The following LGR6 variants were observed in gnomAD, a reference collection of about 807,000 sequenced individuals.
The protein encoded by LGR6 is leucine-rich repeat-containing G protein-coupled receptor 6.
In LGR6, 45 loss-of-function variants were observed where a neutral mutation model predicts 69.4. That is an observed-to-expected ratio of 0.65 (90% CI 0.51 to 0.83). The LOEUF is 0.83. Ranked by LOEUF, LGR6 falls within the 40% of genes least tolerant of loss-of-function variation. The pLI is 0.00. For synonymous variants in LGR6, 538 were observed against 555.0 expected, an observed-to-expected ratio of 0.97 and a Z score of 0.43; for missense variants, 1,108 against 1,246.7, an observed-to-expected ratio of 0.89 and a Z score of 1.68.
chr1:202,306,403 T>A, intron 12 of LGR6, among the ~76,000 whole-genome samples: 1 of 152,196 alleles, frequency 6.6e-6, no homozygotes, highest in East Asian at 1.9e-4. Flanking sequence ...TATGAGGGTC[T>A]CCTGTTTGTC....
chr1:202,306,951 C>T lies in LGR6; in HGVS notation c.1208+12C>T. On this transcript the variant is annotated intron_variant, in intron 13 of 17. Coordinates refer to ENST00000367278, the MANE Select transcript of LGR6 (RefSeq NM_001017403.2). ...TCCCTGCAAGCCCTGTGAGTACCCA[C>T]ATCCAGGGGTGGGCCATGGAGGAGC... 1 of 1,611,084 alleles carries T rather than the reference C, an allele frequency of 6.2e-7. No homozygotes were observed.
At chr1:202,307,081 G>T in intron 13 of LGR6, 142 bp downstream of exon 13, 1 of 762,618 alleles carries the variant, frequency 1.3e-6, no homozygotes, top group Middle Eastern at 2.6e-4. Context: ...CCCACCCCCA[G>T]CACACACACA....
chr1:202,284,271 G>T (rs1032537990), intron 6 of LGR6, among the ~76,000 whole-genome samples: 1 of 152,170 alleles, frequency 6.6e-6, no homozygotes, highest in Non-Finnish European at 1.5e-5. Flanking sequence ...AAGCAGACAG[G>T]TCATGCTCCA....
intron 11 of LGR6, among the ~76,000 whole-genome samples, chr1:202,305,276 C>G (rs1236333619): frequency 1.3e-5 from 2 of 152,140 alleles, no homozygotes; most frequent in Admixed American, 6.5e-5. Context: ...GCCAGATGAT[C>G]CCTAAGGGCC....
chr1:202,231,241 C>T (rs2147976881), intron 3 of LGR6, among the ~76,000 whole-genome samples: 1 of 152,198 alleles, frequency 6.6e-6, no homozygotes, highest in Non-Finnish European at 1.5e-5. Context: ...GCTGTGTTTA[C>T]TCTGTGCCTG....
chr1:202,205,969 A>ACACACAC (rs1553238579), intron 1 of LGR6, among the ~76,000 whole-genome samples: 4 of 149,004 alleles, frequency 2.7e-5, no homozygotes, highest in South Asian at 4.2e-4. Context: ...ACAGACACAC[A>ACACACAC]ACACACACAC....
chr1:202,206,950 C>A (rs1659267097), intron 1 of LGR6, among the ~76,000 whole-genome samples: 1 of 151,242 alleles, frequency 6.6e-6, no homozygotes, highest in Admixed American at 6.6e-5. Flanking sequence ...CAGAGTCTCG[C>A]TCTGTCACCC....
intron 4 of LGR6, among the ~76,000 whole-genome samples, chr1:202,265,864 G>A (rs988938808): frequency 5.3e-5 from 8 of 152,144 alleles, no homozygotes; most frequent in South Asian, 4.2e-4. Flanking sequence ...GACATAGCCC[G>A]CGTCTTCAGG....
rs1025200608 is a variant in LGR6, at chr1:202,193,965, G to A, written c.-25G>A. ...CCGTGCGTCCGCGCCCGGCCGCCAG[G>A]TGCCCCAGTAGCCCGACCGCCGAGA... On this transcript the variant is annotated 5_prime_UTR_variant, in exon 1 of 18. It adds an upstream start codon to the 5' untranslated region. Coordinates refer to ENST00000367278, the MANE Select transcript of LGR6 (RefSeq NM_001017403.2). The A allele has an allele frequency of 1.5e-6, 2 of 1,309,332 alleles. No individual in the cohort carries two copies. Among genetic ancestry groups the A allele is most frequent in the Non-Finnish European group, 1.9e-6 (2 of 1,028,500 alleles). The allele number at this position is 1,309,332 out of a possible 1,614,324, so 81.1% of individuals were successfully genotyped here.
intron 4 of LGR6, among the ~76,000 whole-genome samples, chr1:202,250,269 A>G (rs1571894593): frequency 6.6e-6 from 1 of 151,790 alleles, no homozygotes; most frequent in South Asian, 2.1e-4. Flanking sequence ...TCTGTGCTGC[A>G]CTCCCAGAAC....
chr1:202,255,579 A>T (rs1663700272), intron 4 of LGR6, among the ~76,000 whole-genome samples: 1 of 152,190 alleles, frequency 6.6e-6, no homozygotes, highest in Non-Finnish European at 1.5e-5. Flanking sequence ...GGAGTTAATT[A>T]TACACTGACG....
chr1:202,218,090 TAAGATCAATCTGGTGGGTGGA>T (rs549730780), intron 1 of LGR6, among the ~76,000 whole-genome samples: 1 of 152,322 alleles, frequency 6.6e-6, no homozygotes, highest in African/African-American at 2.4e-5. Context: ...TGCTAGAAAC[TAAGATCAATCTGGTGGGTGGA>T]AAGAGCATCC....
chr1:202,306,317 G>A (rs912143428), intron 12 of LGR6, among the ~76,000 whole-genome samples: 1 of 152,176 alleles, frequency 6.6e-6, no homozygotes, highest in Non-Finnish European at 1.5e-5. Context: ...AGCCAGCATG[G>A]CCTCTTGAGC....
In LGR6 at chr1:202,209,423, C is replaced by A. The variant is rs189843253; in HGVS notation, c.212+15222C>A. 3.3e-5 allele frequency among the ~76,000 whole-genome samples: 5 copies of A among 152,320 alleles called. No individual in the cohort carries two copies. In the East Asian group the frequency reaches 9.7e-4, roughly 30 times the overall value. ...CACAGTGTTCTGGGCTGCAGCTAGT[C>A]CAGGCAACATCTTTGTGAGAAATAG... On this transcript the variant is annotated intron_variant, in intron 1 of 17. Transcript: ENST00000367278.
intron 4 of LGR6, among the ~76,000 whole-genome samples, chr1:202,237,941 T>A (rs1371043750): frequency 6.7e-6 from 1 of 149,196 alleles, no homozygotes; most frequent in East Asian, 2.0e-4. Flanking sequence ...CCTCACAGGG[T>A]GTTGGGAAGA....
intron 16 of LGR6, among the ~76,000 whole-genome samples, chr1:202,314,285 AAC>A: frequency 6.6e-6 from 1 of 152,114 alleles, no homozygotes; most frequent in East Asian, 1.9e-4. Flanking sequence ...CTCCAAGTTA[AAC>A]ACCGCCCAGT....
chr1:202,218,978 G>C (rs1202260563), intron 1 of LGR6, among the ~76,000 whole-genome samples: 1 of 152,164 alleles, frequency 6.6e-6, no homozygotes, highest in Non-Finnish European at 1.5e-5. Context: ...ATCTCACACA[G>C]CACTGAGCTC....
intron 1 of LGR6, among the ~76,000 whole-genome samples, chr1:202,196,041 G>T (rs1351306627): frequency 6.6e-6 from 1 of 152,122 alleles, no homozygotes; most frequent in African/African-American, 2.4e-5. Context: ...TCTTCCTGGG[G>T]ATTGAGAAAG....
intron 1 of LGR6, among the ~76,000 whole-genome samples, chr1:202,211,052 T>C (rs1012086412): frequency 6.6e-6 from 1 of 152,196 alleles, no homozygotes; most frequent in Admixed American, 6.5e-5. Flanking sequence ...GGAAGGAATG[T>C]GTCTCATTGT....
Sources: gnomAD v4.1 joint callset for allele counts (sites outside exome capture counted in the v4.1 genomes callset) on GRCh38, gnomAD v4.1.1 for gene constraint, MANE v1.5 for transcripts, NCBI Gene and HGNC (gene_info 2026-07-23, HGNC 2026-07-21) for gene names.